BSCL2: variants seen among roughly 807,000 people sequenced by gnomAD.
BSCL2 encodes BSCL2 lipid droplet biogenesis associated, seipin, also known as seipin.
A neutral mutation model predicts 57.4 loss-of-function variants in BSCL2; 41 were observed. That is an observed-to-expected ratio of 0.71 (90% CI 0.56 to 0.93). The LOEUF (loss-of-function observed/expected upper bound fraction) is 0.93. Ranked by LOEUF, BSCL2 falls within the 40% of genes least tolerant of loss-of-function variation. The pLI, the probability that BSCL2 is intolerant of heterozygous loss-of-function variation, is 0.00. For missense variants in BSCL2, 539 were observed against 586.7 expected (o/e 0.92, Z 0.84); for synonymous variants, 237 against 227.3 (o/e 1.04, Z -0.38).
intron 1 of BSCL2, chr11:62,706,071 C>T (rs2083525847): frequency 2.8e-6 from 1 of 358,466 alleles, no homozygotes; most frequent in East Asian, 1.5e-4. Context: ...CGAGTTTCTC[C>T]TCTCCGCCTC....
intron 2 of BSCL2, among the ~76,000 whole-genome samples, chr11:62,704,709 G>A (rs747296775): frequency 6.6e-6 from 1 of 152,222 alleles, no homozygotes; most frequent in Non-Finnish European, 1.5e-5. Flanking sequence ...CTGCACCACT[G>A]CACTCCAGCC....
At position 62,691,494 on chromosome 11, in the gene BSCL2, T is replaced by C. The variant is rs1945310018; in HGVS notation, c.864-73A>G. The C allele has an allele frequency of 1.9e-6, 3 of 1,562,158 alleles. No individual in the cohort carries two copies. The East Asian group carries it at 6.7e-5, about 35-fold the overall frequency. Reference sequence around the variant, plus strand: ...CACCAGCCTTCTCATGTCCCAGAAATAATTTCTAGGGCAATTCAAGTGAGT... The same window carrying C: ...CACCAGCCTTCTCATGTCCCAGAAACAATTTCTAGGGCAATTCAAGTGAGT... On this transcript the variant is annotated intron_variant, in intron 6 of 10. Transcript: ENST00000360796.
At chr11:62,706,186 G>A in intron 1 of BSCL2, 3 of 1,040,976 alleles carry the variant, frequency 2.9e-6, no homozygotes, top group African/African-American at 1.7e-5. Flanking sequence ...GGTGGGCAAA[G>A]CGCCCGGAGC....
At chr11:62,708,123 T>A, upstream of BSCL2, 3 of 625,378 alleles carry the variant, frequency 4.8e-6, no homozygotes, top group Non-Finnish European at 8.8e-6. Flanking sequence ...CCACCCTATT[T>A]TTTTCCATGA....
chr11:62,708,379 C>T (rs775740596), upstream of BSCL2: 7 of 1,611,730 alleles, frequency 4.3e-6, no homozygotes, highest in African/African-American at 9.4e-5. Context: ...TTGAAGCCAG[C>T]TTGTGTCGGA....
At chr11:62,697,166 G>T (rs1422634132) in intron 3 of BSCL2, among the ~76,000 whole-genome samples, 2 of 146,006 alleles carry the variant, frequency 1.4e-5, no homozygotes, top group South Asian at 4.4e-4. Flanking sequence ...AGGCCAAGGC[G>T]GGCAGAAGAC....
intron 3 of BSCL2, among the ~76,000 whole-genome samples, chr11:62,698,708 G>T (rs1945549159): frequency 6.6e-6 from 1 of 152,030 alleles, no homozygotes; most frequent in Non-Finnish European, 1.5e-5. Context: ...AATTATCAGG[G>T]ACATGGGCTG....
intron 3 of BSCL2, among the ~76,000 whole-genome samples, chr11:62,702,224 G>A (rs545439609): frequency 2.6e-5 from 4 of 152,002 alleles, no homozygotes; most frequent in South Asian, 2.1e-4. Flanking sequence ...GCACCACCAC[G>A]CCCAGCTAAT....
chr11:62,695,471 G>C (rs933985718), intron 3 of BSCL2, among the ~76,000 whole-genome samples: 2 of 151,664 alleles, frequency 1.3e-5, no homozygotes, highest in African/African-American at 4.8e-5. Flanking sequence ...CACTTTGGGA[G>C]GCCAAGGCAG....
chr11:62,702,592 C>T (rs1945678048), intron 2 of BSCL2, 43 bp from the exon 3 acceptor site: 4 of 1,549,522 alleles, frequency 2.6e-6, no homozygotes, highest in Non-Finnish European at 2.7e-6. Context: ...GTTAGTCTTA[C>T]TAGTCCATCC....
Position 62,695,319 on chromosome 11 carries a change from A to G in BSCL2, c.487-608T>C, listed in dbSNP as rs569058534. 3.3e-5 allele frequency among the ~76,000 whole-genome samples: 5 copies of G among 152,152 alleles called. No homozygotes were observed. The South Asian group carries it at 6.2e-4, about 19-fold the overall frequency. ...ATTCTTCTAGCCCCTTTATTGATTC[A>G]TATCTGGCAACAAGGCCCTCACACA... On this transcript the variant is annotated intron_variant, in intron 3 of 10. Coordinates refer to ENST00000360796, the MANE Select transcript of BSCL2 (RefSeq NM_001122955.4).
Position 62,691,108 on chromosome 11 carries a change from C to G in BSCL2, c.1039G>C (p.Glu347Gln). ...TGAGCAGAGATCCTTCGTTGGACTT[C>G]CTTCCGGGAATTGTCTCTTTTTCGG... The part of the protein sequence containing the change: ...NIRKRDNSRK[E>Q]VQRRISAHQP... Residue 347 changes from glutamate to glutamine, a missense_variant, in exon 8 of 11, where the codon GAA becomes CAA. Coordinates refer to ENST00000360796, the MANE Select transcript of BSCL2 (RefSeq NM_001122955.4). The G allele has an allele frequency of 6.2e-7, 1 of 1,614,248 alleles. No homozygotes were observed. The highest frequency in any genetic ancestry group is 8.5e-7 in the Non-Finnish European group (1 of 1,180,050).
At chr11:62,691,689 G>T (rs1945313820) in intron 6 of BSCL2, among the ~76,000 whole-genome samples, 1 of 152,158 alleles carries the variant, frequency 6.6e-6, no homozygotes, top group Non-Finnish European at 1.5e-5. Context: ...CTCTTGCTAA[G>T]CCAACGGTTC....
At chr11:62,709,494 T>A (rs966312833), upstream of BSCL2, 1 of 453,968 alleles carries the variant, frequency 2.2e-6, no homozygotes, top group Non-Finnish European at 4.4e-6. Flanking sequence ...AGTGCAGTCG[T>A]ACAGCAGAGG....
intron 1 of BSCL2, chr11:62,706,530 C>A: frequency 2.2e-6 from 1 of 452,396 alleles, no homozygotes; most frequent in Non-Finnish European, 4.5e-6. Flanking sequence ...CTGCAGGCCC[C>A]AAGATGTGCC....
At chr11:62,706,994 G>C in intron 1 of BSCL2, 115 bp downstream of exon 1, 1 of 905,476 alleles carries the variant, frequency 1.1e-6, no homozygotes. Context: ...GGCGTGGGAA[G>C]TAATCTATTC....
At position 62,705,293 on chromosome 11, in the gene BSCL2, C is replaced by A; in HGVS notation, c.404+8G>T. The A allele has an allele frequency of 6.2e-7, 1 of 1,603,860 alleles. No individual in the cohort carries two copies. Among genetic ancestry groups the A allele is most frequent in the East Asian group, 2.2e-5 (1 of 44,678 alleles). On this transcript the variant is annotated splice_region_variant and intron_variant, in intron 2 of 10. Coordinates refer to ENST00000360796, the MANE Select transcript of BSCL2 (RefSeq NM_001122955.4). ...GAGTCCTCTATTTTGATAGAAGGCC[C>A]CTCTCACCTGTAGTAGAAATGCACA...
At chr11:62,708,828 A>C (rs749594044), upstream of BSCL2, 2 of 1,586,418 alleles carry the variant, frequency 1.3e-6, no homozygotes, top group South Asian at 2.2e-5. Flanking sequence ...CCTTCTCACA[A>C]CTCCTCCCTT....
upstream of BSCL2, chr11:62,708,351 T>C (rs540435945): frequency 6.2e-7 from 1 of 1,613,852 alleles, no homozygotes; most frequent in African/African-American, 1.3e-5. Context: ...GCACGCAAGA[T>C]GGTGGAACAG....
Sources: gnomAD v4.1 joint callset for allele counts (sites outside exome capture counted in the v4.1 genomes callset) on GRCh38, gnomAD v4.1.1 for gene constraint, MANE v1.5 for transcripts, NCBI Gene and HGNC (gene_info 2026-07-23, HGNC 2026-07-21) for gene names.